Variants in LIMCH1 observed in about 807,000 individuals in gnomAD.
The protein encoded by LIMCH1 is LIM and calponin homology domains-containing protein 1.
In LIMCH1, 113 loss-of-function variants were observed where a neutral mutation model predicts 176.5. That is an observed-to-expected ratio of 0.64 (90% confidence interval 0.55 to 0.75). LIMCH1 has a LOEUF of 0.75. Ranked by LOEUF, LIMCH1 falls within the 30% of genes least tolerant of loss-of-function variation. The pLI is 0.00. For synonymous variants in LIMCH1, 619 were observed against 645.9 expected (o/e 0.96, Z 0.63); for missense variants, 1,674 against 1,814.9 (o/e 0.92, Z 1.41).
At chr4:41,627,468 G>C (rs2093042572) in intron 8 of LIMCH1, among the ~76,000 whole-genome samples, 1 of 152,044 alleles carries the variant, frequency 6.6e-6, no homozygotes, top group Non-Finnish European at 1.5e-5. Context: ...ACATTTAGAT[G>C]TTGGAAGAAA....
chr4:41,464,832 T>G (rs1284265737), intron 1 of LIMCH1, among the ~76,000 whole-genome samples: 1 of 152,236 alleles, frequency 6.6e-6, no homozygotes. Context: ...AACCTTGCGC[T>G]TCTTGTGTGG....
chr4:41,409,042 T>C (rs966575878), intron 1 of LIMCH1, among the ~76,000 whole-genome samples: 19 of 152,346 alleles, frequency 1.2e-4, no homozygotes, highest in African/African-American at 3.8e-4. Context: ...TGACTCGCTG[T>C]GTACATGGGC....
At chr4:41,426,426 G>A (rs77035709) in intron 1 of LIMCH1, among the ~76,000 whole-genome samples, 4,702 of 152,282 alleles carry the variant, frequency 0.031, 241 homozygotes, top group African/African-American at 0.11. Flanking sequence ...ATAGATGTTT[G>A]TAACAGTATA....
intron 1 of LIMCH1, among the ~76,000 whole-genome samples, chr4:41,490,373 C>A (rs1225459949): frequency 1.3e-5 from 2 of 150,872 alleles, no homozygotes; most frequent in Non-Finnish European, 2.9e-5. Flanking sequence ...AGAAGGTCAG[C>A]AGATAAACAT....
intron 1 of LIMCH1, among the ~76,000 whole-genome samples, chr4:41,439,355 G>C (rs1418222371): frequency 6.6e-6 from 1 of 152,192 alleles, no homozygotes; most frequent in South Asian, 2.1e-4. Flanking sequence ...GAAGGCCAAG[G>C]TGCATGGATC....
At chr4:41,424,266 C>G (rs2060880910) in intron 1 of LIMCH1, among the ~76,000 whole-genome samples, 1 of 152,038 alleles carries the variant, frequency 6.6e-6, no homozygotes, top group South Asian at 2.1e-4. Context: ...TTTATATATA[C>G]AGCAAAAGTA....
intron 2 of LIMCH1, among the ~76,000 whole-genome samples, chr4:41,521,140 T>C (rs1561619393): frequency 6.6e-6 from 1 of 152,238 alleles, no homozygotes; most frequent in Non-Finnish European, 1.5e-5. Context: ...TTTGGGTTTT[T>C]GATTTTTGTG....
At chr4:41,654,582 G>A (rs2094410611) in intron 18 of LIMCH1, among the ~76,000 whole-genome samples, 1 of 152,156 alleles carries the variant, frequency 6.6e-6, no homozygotes, top group African/African-American at 2.4e-5. Context: ...ATATACGATT[G>A]CAAAGAACAG....
intron 1 of LIMCH1, among the ~76,000 whole-genome samples, chr4:41,539,372 CAAAT>C (rs1472213361): frequency 6.6e-6 from 1 of 152,112 alleles, no homozygotes; most frequent in East Asian, 1.9e-4. Context: ...AGGTGAAGGT[CAAAT>C]AAAACCGAGA....
At chr4:41,457,405 A>G (rs1344046602) in intron 1 of LIMCH1, among the ~76,000 whole-genome samples, 2 of 152,126 alleles carry the variant, frequency 1.3e-5, no homozygotes, top group South Asian at 2.1e-4. Flanking sequence ...CCATTATACC[A>G]TTGGCTTGAG....
Position 41,487,005 on chromosome 4 carries a change from T to C in LIMCH1, c.97-7531T>C, listed in dbSNP as rs930412455. ...ACACACACACACACACACACACATA[T>C]ATATATACACACGTACATATATATA... On this transcript the variant is annotated intron_variant, in intron 1 of 26. Transcript: ENST00000313860. 7.9e-4 allele frequency among the ~76,000 whole-genome samples: 95 copies of C among 120,688 alleles called. 2 individuals are homozygous for C. Among genetic ancestry groups the C allele is most frequent in the Middle Eastern group, 4.9e-3 (1 of 206 alleles). 79.2% of individuals were successfully genotyped at this position (120,688 alleles called of 152,430 possible).
At chr4:41,479,296 A>G (rs988317595) in intron 1 of LIMCH1, among the ~76,000 whole-genome samples, 3 of 152,192 alleles carry the variant, frequency 2.0e-5, no homozygotes, top group Admixed American at 6.5e-5. Context: ...TTGGTCCTCC[A>G]GGCTAGAGCA....
At chr4:41,687,781 T>TA in intron 28 of LIMCH1, 59 bp from the exon 29 acceptor site, 1 of 1,059,832 alleles carries the variant, frequency 9.4e-7, no homozygotes, top group Non-Finnish European at 1.4e-6. Context: ...TGTCTTTTTT[T>TA]AATGGAGTTT....
chr4:41,413,813 AGGATAAATG>A (rs1361880343), intron 1 of LIMCH1, among the ~76,000 whole-genome samples: 1 of 152,076 alleles, frequency 6.6e-6, no homozygotes, highest in Non-Finnish European at 1.5e-5. Context: ...AAGTAGGAGG[AGGATAAATG>A]GGTTAAAGGA....
chr4:41,520,854 C>T (rs1405787714), intron 2 of LIMCH1, among the ~76,000 whole-genome samples: 1 of 152,086 alleles, frequency 6.6e-6, no homozygotes, highest in Non-Finnish European at 1.5e-5. Context: ...TTGATGAATA[C>T]GAAGATGATC....
At chr4:41,528,702 C>T (rs2076944047) in intron 3 of LIMCH1, among the ~76,000 whole-genome samples, 1 of 152,156 alleles carries the variant, frequency 6.6e-6, no homozygotes, top group Non-Finnish European at 1.5e-5. Flanking sequence ...GCCTGGAAGC[C>T]ATGCCCGTGT....
At chr4:41,655,920 C>T (rs1324152954) in intron 18 of LIMCH1, among the ~76,000 whole-genome samples, 1 of 152,228 alleles carries the variant, frequency 6.6e-6, no homozygotes, top group East Asian at 1.9e-4. Flanking sequence ...TCCCACCCAT[C>T]GACCCCTGTG....
At chr4:41,561,646 C>T (rs561843391) in intron 1 of LIMCH1, among the ~76,000 whole-genome samples, 1 of 152,224 alleles carries the variant, frequency 6.6e-6, no homozygotes, top group South Asian at 2.1e-4. Flanking sequence ...CTCTTCAGTT[C>T]ATATTCTTGG....
At chr4:41,417,668 G>A (rs370556430) in intron 1 of LIMCH1, among the ~76,000 whole-genome samples, 28 of 151,690 alleles carry the variant, frequency 1.8e-4, no homozygotes, top group Middle Eastern at 6.8e-3. Flanking sequence ...CTACAGGCAC[G>A]TGCCACCATG....
Sources: gnomAD v4.1 joint callset for allele counts (sites outside exome capture counted in the v4.1 genomes callset) on GRCh38, gnomAD v4.1.1 for gene constraint, MANE v1.5 for transcripts, NCBI Gene and HGNC (gene_info 2026-07-23, HGNC 2026-07-21) for gene names.